Variants in GALNT16 observed in about 807,000 individuals in gnomAD.
The protein encoded by GALNT16 is polypeptide N-acetylgalactosaminyltransferase 16, also known as UDP-GalNAc:polypeptide N-acetylgalactosaminyltransferase-like protein 1.
In GALNT16, 40 loss-of-function variants were observed where a neutral mutation model predicts 76.1. The ratio of observed to expected loss-of-function variants is 0.53; its 90% confidence interval spans 0.41 to 0.68. The LOEUF (loss-of-function observed/expected upper bound fraction) is 0.68, where lower values mean the gene tolerates loss of function less well. Ranked by LOEUF, GALNT16 falls within the 30% of genes least tolerant of loss-of-function variation. The pLI, the probability that GALNT16 is intolerant of heterozygous loss-of-function variation, is 0.00. For synonymous variants in GALNT16, 276 were observed against 285.2 expected (o/e 0.97, Z 0.32); for missense variants, 621 against 731.9 (o/e 0.85, Z 1.75).
chr14:69,294,204 C>T (rs1304225642), intron 1 of GALNT16, among the ~76,000 whole-genome samples: 4 of 152,264 alleles, frequency 2.6e-5, no homozygotes, highest in Non-Finnish European at 4.4e-5. Flanking sequence ...TCACTGCAAC[C>T]TCCACCCCCT....
intron 12 of GALNT16, among the ~76,000 whole-genome samples, chr14:69,345,697 G>GTGTGTGTGTGTGTGT (rs1426777688): frequency 3.5e-5 from 2 of 57,636 alleles, no homozygotes; most frequent in Non-Finnish European, 9.3e-5. Context: ...TTACCCATAA[G>GTGTGTGTGTGTGTGT]GTGTCAGTGT....
At chr14:69,267,245 C>T (rs922790207) in intron 1 of GALNT16, among the ~76,000 whole-genome samples, 1 of 152,170 alleles carries the variant, frequency 6.6e-6, no homozygotes, top group Non-Finnish European at 1.5e-5. Context: ...TGGCTAGAGA[C>T]AGTATGGTCA....
At chr14:69,273,503 CT>C (rs1014630802) in intron 1 of GALNT16, among the ~76,000 whole-genome samples, 1 of 152,140 alleles carries the variant, frequency 6.6e-6, no homozygotes, top group Non-Finnish European at 1.5e-5. Context: ...GAAAGGGACC[CT>C]AGGACATGCA....
the GALNT16 span, among the ~76,000 whole-genome samples, chr14:69,376,320 A>G: frequency 6.6e-6 from 1 of 152,184 alleles, no homozygotes. Flanking sequence ...TTAGTTGGTG[A>G]CACAGGACTC....
At position 69,352,776 on chromosome 14, in the gene GALNT16, A is replaced by C. The variant is rs1204567922; in HGVS notation, c.*608A>C. The C allele has an allele frequency of 2.0e-5, 3 of 152,472 alleles. No individual in the cohort carries two copies. The highest frequency in any genetic ancestry group is 2.0e-4 in the Admixed American group (3 of 15,288). 9.4% of individuals were successfully genotyped at this position (152,472 alleles called of 1,614,324 possible). On this transcript the variant is annotated 3_prime_UTR_variant, in exon 15 of 15. Coordinates refer to ENST00000448469, the MANE Select transcript of GALNT16 (RefSeq NM_001168368.2). ...GGTGTCTTGGCAGCAAAGGATGGGTAATTTGCAAATGAACATGGATAGAAG... is the reference window on the plus strand; with the variant it reads ...GGTGTCTTGGCAGCAAAGGATGGGTCATTTGCAAATGAACATGGATAGAAG...
intron 1 of GALNT16, among the ~76,000 whole-genome samples, chr14:69,264,326 A>G (rs2044312768): frequency 6.6e-6 from 1 of 152,208 alleles, no homozygotes; most frequent in Non-Finnish European, 1.5e-5. Context: ...GCTGAAATTG[A>G]GTTAAATGAT....
chr14:69,272,784 A>G (rs1043227775), intron 1 of GALNT16, among the ~76,000 whole-genome samples: 1 of 152,176 alleles, frequency 6.6e-6, no homozygotes, highest in African/African-American at 2.4e-5. Context: ...ATACGTACAC[A>G]TGTGAAAATA....
intron 1 of GALNT16, among the ~76,000 whole-genome samples, chr14:69,286,210 G>A (rs1171943857): frequency 6.6e-6 from 1 of 152,108 alleles, no homozygotes; most frequent in Non-Finnish European, 1.5e-5. Context: ...AGGGATAGAT[G>A]AGGGAACTTT....
Position 69,352,199 on chromosome 14 carries a change from C to T in GALNT16, c.*31C>T, listed in dbSNP as rs1404243204. 6.4e-7 allele frequency: 1 copy of T among 1,566,914 alleles called. No individual in the cohort carries two copies. The highest frequency in any genetic ancestry group is 8.7e-7 in the Non-Finnish European group (1 of 1,154,012). On this transcript the variant is annotated 3_prime_UTR_variant, in exon 15 of 15. Transcript: ENST00000448469. The stretch of plus-strand genomic sequence containing the variant: ...GCCCTGGGGCCTCCTGTACCTTTTG[C>T]ATGAGACTTCGGGACCGGAAGGGGG...
intron 1 of GALNT16, among the ~76,000 whole-genome samples, chr14:69,287,989 A>G (rs762001295): frequency 6.6e-6 from 1 of 152,216 alleles, no homozygotes; most frequent in Non-Finnish European, 1.5e-5. Context: ...CAAGTCCTCA[A>G]AGACTGAAGT....
At chr14:69,267,821 C>T (rs947454277) in intron 1 of GALNT16, among the ~76,000 whole-genome samples, 2 of 152,160 alleles carry the variant, frequency 1.3e-5, no homozygotes, top group African/African-American at 4.8e-5. Flanking sequence ...GAGGGTTGAA[C>T]TACAGGATCT....
the GALNT16 span, among the ~76,000 whole-genome samples, chr14:69,383,116 A>T: frequency 6.6e-6 from 1 of 152,242 alleles, no homozygotes; most frequent in Non-Finnish European, 1.5e-5. Context: ...AATACTGCAT[A>T]ATCAAAAGGG....
At chr14:69,329,114 T>C (rs1440097434) in intron 6 of GALNT16, among the ~76,000 whole-genome samples, 1 of 152,114 alleles carries the variant, frequency 6.6e-6, no homozygotes, top group Admixed American at 6.5e-5. Flanking sequence ...TCCCAGCACT[T>C]TGGGAGGCCG....
At chr14:69,324,823 G>A (rs1470799178) in intron 3 of GALNT16, 33 bp downstream of exon 3, 21 of 1,407,484 alleles carry the variant, frequency 1.5e-5, no homozygotes, top group Non-Finnish European at 2.0e-5. Flanking sequence ...CATCTCAGTG[G>A]TGCTGGCAGG....
At chr14:69,265,230 TG>T (rs1047685993) in intron 1 of GALNT16, among the ~76,000 whole-genome samples, 3 of 150,908 alleles carry the variant, frequency 2.0e-5, no homozygotes, top group Non-Finnish European at 4.4e-5. Flanking sequence ...AGACTGGGGG[TG>T]GGGAGGAGGG....
intron 9 of GALNT16, among the ~76,000 whole-genome samples, chr14:69,336,519 C>T (rs1187922998): frequency 6.6e-6 from 1 of 152,130 alleles, no homozygotes; most frequent in Non-Finnish European, 1.5e-5. Context: ...GGACTTGCTC[C>T]CTCATCTGTT....
rs1324629525 is a variant in GALNT16 at position 69,340,326 on chromosome 14, T to C, written c.1187+707T>C. 3.9e-5 allele frequency among the ~76,000 whole-genome samples: 6 copies of C among 152,280 alleles called. No individual in the cohort carries two copies. The East Asian group carries it at 9.6e-4, about 24-fold the overall frequency. ...CTCAAGTCCCTGATATAAAATAGTGTAGTATTTGCATACCCTATGCACAAC... is the reference window on the plus strand; with the variant it reads ...CTCAAGTCCCTGATATAAAATAGTGCAGTATTTGCATACCCTATGCACAAC... On this transcript the variant is annotated intron_variant, in intron 11 of 14. Coordinates refer to ENST00000448469, the MANE Select transcript of GALNT16 (RefSeq NM_001168368.2).
chr14:69,263,917 G>A (rs893008299), intron 1 of GALNT16, among the ~76,000 whole-genome samples: 2 of 151,908 alleles, frequency 1.3e-5, no homozygotes, highest in African/African-American at 4.8e-5. Flanking sequence ...AGTAGATTTG[G>A]GGACATCCCC....
At chr14:69,371,683 C>T in the GALNT16 span, among the ~76,000 whole-genome samples, 3 of 151,846 alleles carry the variant, frequency 2.0e-5, no homozygotes, top group African/African-American at 4.8e-5. Flanking sequence ...TGGTGGCTCA[C>T]GCCTGTAATC....
Sources: gnomAD v4.1 joint callset for allele counts (sites outside exome capture counted in the v4.1 genomes callset) on GRCh38, gnomAD v4.1.1 for gene constraint, MANE v1.5 for transcripts, NCBI Gene and HGNC (gene_info 2026-07-23, HGNC 2026-07-21) for gene names.